Variants in SEMA5B observed in about 807,000 individuals in gnomAD.
The protein encoded by SEMA5B is semaphorin 5B.
In SEMA5B, 66 loss-of-function variants were observed where a neutral mutation model predicts 135.0. The ratio of observed to expected loss-of-function variants is 0.49; its 90% CI spans 0.40 to 0.60. The LOEUF is 0.60. SEMA5B is among the 20% of genes least tolerant of loss of function. The pLI is 0.00. For missense variants in SEMA5B, 1,501 were observed against 1,566.3 expected (o/e 0.96, Z 0.70); for synonymous variants, 690 against 639.5 (o/e 1.08, Z -1.19).
rs1938046087 is a variant in SEMA5B at position 122,915,844 on chromosome 3, G to C, written c.1735C>G (p.Gln579Glu). ...TCCTCGAGTGTGCTGCAACGTTGCT[G>C]CTTCCCGTCCCAGCCACAGTACGGG... is the stretch of plus-strand genomic sequence containing the variant. The part of the protein sequence containing the change: ...RDPYCGWDGK[Q>E]QRCSTLEDSS... The change falls in exon 13 of 23, where the codon CAG becomes GAG. Residue 579 changes from glutamine (Q) to glutamate (E), a missense_variant. Physicochemically the swap from Gln to Glu is conservative, Grantham distance 29 (BLOSUM62 2). Transcript: ENST00000357599. 1 of 1,613,872 alleles carries C rather than the reference G, an allele frequency of 6.2e-7. No individual in the cohort carries two copies. Among genetic ancestry groups the C allele is most frequent in the Non-Finnish European group, 8.5e-7 (1 of 1,179,984 alleles).
At chr3:123,025,479 A>G (rs1942777205) in intron 1 of SEMA5B, among the ~76,000 whole-genome samples, 1 of 152,226 alleles carries the variant, frequency 6.6e-6, no homozygotes, top group South Asian at 2.1e-4. Context: ...AGCATGGTGC[A>G]TTGCACATAG....
At chr3:123,015,229 T>C (rs1262010752) in intron 1 of SEMA5B, among the ~76,000 whole-genome samples, 1 of 152,190 alleles carries the variant, frequency 6.6e-6, no homozygotes, top group Non-Finnish European at 1.5e-5. Flanking sequence ...GTGGGGTGTT[T>C]TGTTACAGCT....
intron 1 of SEMA5B, among the ~76,000 whole-genome samples, chr3:123,015,609 T>C (rs1288117945): frequency 6.6e-6 from 1 of 152,064 alleles, no homozygotes; most frequent in Non-Finnish European, 1.5e-5. Context: ...AACTGTGGCA[T>C]GGAAGAGGGA....
At chr3:122,933,295 G>T (rs981117020) in intron 5 of SEMA5B, among the ~76,000 whole-genome samples, 1 of 151,902 alleles carries the variant, frequency 6.6e-6, no homozygotes, top group Non-Finnish European at 1.5e-5. Context: ...TCAAATTCTT[G>T]CATGTCTGAT....
At chr3:122,970,466 G>A (rs1410021081) in intron 1 of SEMA5B, among the ~76,000 whole-genome samples, 1 of 152,204 alleles carries the variant, frequency 6.6e-6, no homozygotes, top group African/African-American at 2.4e-5. Flanking sequence ...CCCAGGTGAT[G>A]CTTACGGTCT....
Position 122,983,664 on chromosome 3 carries a change from A to G in SEMA5B, c.-38-22363T>C, listed in dbSNP as rs377259945. Among the ~76,000 whole-genome samples, 145 of 135,848 alleles carry G rather than the reference A, an allele frequency of 1.1e-3. 1 individual carries two copies. The highest frequency in any genetic ancestry group is 3.5e-3 in the African/African-American group (123 of 35,554). 89.1% of individuals were successfully genotyped at this position (135,848 alleles called of 152,430 possible). On this transcript the variant is annotated intron_variant, in intron 1 of 22. Transcript: ENST00000357599. ...ACCCGGGAGGCGGAGCTTGCAGTGAACCAAGATCACGCCACTGCACTCCAG... is the reference window on the plus strand; with the variant it reads ...ACCCGGGAGGCGGAGCTTGCAGTGAGCCAAGATCACGCCACTGCACTCCAG...
At chr3:122,997,343 T>C (rs1290810782) in intron 1 of SEMA5B, among the ~76,000 whole-genome samples, 4 of 152,062 alleles carry the variant, frequency 2.6e-5, no homozygotes, top group African/African-American at 7.2e-5. Flanking sequence ...CTCTAGCTCC[T>C]CCTCTTCTCG....
At chr3:122,912,107 G>A (rs1441706935) in intron 19 of SEMA5B, 38 bp from the exon 20 acceptor site, 3 of 1,595,680 alleles carry the variant, frequency 1.9e-6, no homozygotes, top group Non-Finnish European at 1.7e-6. Flanking sequence ...ACTGCCCAGG[G>A]ACCCCCTGGT....
intron 1 of SEMA5B, among the ~76,000 whole-genome samples, chr3:122,964,823 A>C (rs1940749278): frequency 1.3e-5 from 2 of 152,348 alleles, no homozygotes; most frequent in Non-Finnish European, 2.9e-5. Context: ...GGCTGCTGCC[A>C]CTCAGGGTGA....
At chr3:123,001,235 T>C (rs1942167705) in intron 1 of SEMA5B, among the ~76,000 whole-genome samples, 1 of 152,072 alleles carries the variant, frequency 6.6e-6, no homozygotes, top group Admixed American at 6.5e-5. Context: ...CCCCACCCTC[T>C]CTCATACAGT....
rs774178488 is a variant in SEMA5B at position 122,918,290 on chromosome 3, G to A, written c.1689-2400C>T. 7.4e-4 allele frequency among the ~76,000 whole-genome samples: 112 copies of A among 152,166 alleles called. 2 individuals are homozygous for A. The highest frequency in any genetic ancestry group is 1.3e-4 in the Non-Finnish European group (9 of 68,032). Reference sequence around the variant, plus strand: ...CCTCTTGCTCCTTCTTCCATCTAGAGCCTAACCAGTTTTACAGCAGGAGTT... The same window carrying A: ...CCTCTTGCTCCTTCTTCCATCTAGAACCTAACCAGTTTTACAGCAGGAGTT... On this transcript the variant is annotated intron_variant, in intron 12 of 22. Coordinates refer to ENST00000357599, the MANE Select transcript of SEMA5B (RefSeq NM_001031702.4).
intron 1 of SEMA5B, chr3:122,975,514 C>A (rs1286388510): frequency 1.2e-5 from 2 of 163,278 alleles, no homozygotes; most frequent in African/African-American, 4.8e-5. Flanking sequence ...AGCCCAGGCT[C>A]CTTTAGCCTC....
chr3:122,978,405 G>A (rs1033578612), intron 1 of SEMA5B, among the ~76,000 whole-genome samples: 11 of 150,580 alleles, frequency 7.3e-5, no homozygotes, highest in Admixed American at 2.6e-4. Flanking sequence ...ACAGGGACCC[G>A]TGCAGCATCC....
rs72972417 is a variant in SEMA5B at position 122,993,297 on chromosome 3, T to A, written c.-38-31996A>T. The A allele has an allele frequency of 8.1e-3, 1,233 of 152,412 alleles. 26 individuals are homozygous for A. The highest frequency in any genetic ancestry group is 0.028 in the African/African-American group (1,148 of 41,556). The allele number at this position is 152,412 out of a possible 1,614,324, so 9.4% of individuals were successfully genotyped here. On this transcript the variant is annotated intron_variant, in intron 1 of 22. Transcript: ENST00000357599. ...CTGGAAGCAGCTCGCAGCACGGCTGTGACACACCAATCACCAGTGCCAGAC... is the reference window on the plus strand; with the variant it reads ...CTGGAAGCAGCTCGCAGCACGGCTGAGACACACCAATCACCAGTGCCAGAC...
intron 1 of SEMA5B, among the ~76,000 whole-genome samples, chr3:122,985,904 C>T (rs1941682780): frequency 6.6e-6 from 1 of 152,138 alleles, no homozygotes; most frequent in Non-Finnish European, 1.5e-5. Context: ...AGAAGCTTGT[C>T]CCAATTTAGG....
chr3:122,929,193 G>T, intron 5 of SEMA5B, 135 bp from the exon 6 acceptor site: 1 of 805,192 alleles, frequency 1.2e-6, no homozygotes, highest in Non-Finnish European at 2.0e-6. Context: ...CAGGGTGAGG[G>T]CTCCTCTCAC....
intron 8 of SEMA5B, among the ~76,000 whole-genome samples, chr3:122,927,408 G>A (rs1281873483): frequency 2.6e-5 from 4 of 152,068 alleles, no homozygotes; most frequent in African/African-American, 9.7e-5. Context: ...GCCCACGCTG[G>A]TCTCCAACTC....
intron 1 of SEMA5B, among the ~76,000 whole-genome samples, chr3:122,985,230 C>A (rs1390956089): frequency 6.6e-6 from 1 of 152,170 alleles, no homozygotes. Context: ...CAGTGGCTCA[C>A]ACCTGTAATC....
In SEMA5B at chr3:122,926,530, T is replaced by G; in HGVS notation, c.998A>C (p.Glu333Ala). 1 of 1,614,240 alleles carries G rather than the reference T, an allele frequency of 6.2e-7. No homozygotes were observed. The highest frequency in any genetic ancestry group is 8.5e-7 in the Non-Finnish European group (1 of 1,180,044). Reference sequence around the variant, plus strand: ...CTTCATGAATGTGGTCCATGTGTCCTCCAGCAGGAATCGGCCCCCCACGTC... The same window carrying G: ...CTTCATGAATGTGGTCCATGTGTCCGCCAGCAGGAATCGGCCCCCCACGTC... ...KNDVGGRFLL[E>A]DTWTTFMKAR... The change falls in exon 9 of 23, where the codon GAG (glutamate) becomes GCG (alanine). Residue 333 changes from glutamate (E) to alanine (A), a missense_variant. By Grantham distance (107) the Glu-to-Ala change is moderately radical (BLOSUM62 -1). This residue lies in a region of SEMA5B where 574 missense variants were observed against 684.7 expected (regional missense o/e 0.84). Coordinates refer to ENST00000357599, the MANE Select transcript of SEMA5B (RefSeq NM_001031702.4).
Sources: allele counts gnomAD v4.1 joint callset (sites outside exome capture counted in the v4.1 genomes callset), GRCh38; gene constraint gnomAD v4.1.1; regional missense constraint gnomAD v4.1.1; transcripts MANE v1.5; gene names NCBI Gene and HGNC (gene_info 2026-07-23, HGNC 2026-07-21).